Variants in NKAIN3 observed in about 807,000 individuals in gnomAD.
The protein encoded by NKAIN3 is sodium/potassium-transporting ATPase subunit beta-1-interacting protein 3.
Under a neutral mutation model 30.2 loss-of-function variants are expected in NKAIN3, and 25 were observed. That is an observed-to-expected ratio of 0.83 (90% CI 0.60 to 1.16). The LOEUF (loss-of-function observed/expected upper bound fraction) is 1.16, where lower values mean the gene tolerates loss of function less well. Among genes scored for constraint, NKAIN3 ranks in the 50% most tolerant of loss-of-function variants. NKAIN3 has a pLI of 0.00. For missense variants in NKAIN3, 225 were observed against 254.1 expected (o/e 0.89, Z 0.78); for synonymous variants, 91 against 89.6 (o/e 1.02, Z -0.09).
intron 1 of NKAIN3, among the ~76,000 whole-genome samples, chr8:62,391,582 T>G (rs901811633): frequency 4.6e-5 from 7 of 152,006 alleles, no homozygotes; most frequent in African/African-American, 9.6e-5. Context: ...AGAAATGGAA[T>G]AAAATAGGAA....
At chr8:62,910,320 C>CT (rs1476196664) in intron 4 of NKAIN3, among the ~76,000 whole-genome samples, 3 of 152,240 alleles carry the variant, frequency 2.0e-5, no homozygotes, top group Middle Eastern at 3.4e-3. Flanking sequence ...AGCTTACTCT[C>CT]TTTTGCCTTC....
chr8:62,306,577 T>TGTGTTG lies in NKAIN3; in HGVS notation c.54+57450_54+57451insGTGTTG, dbSNP rs369616688. Among the ~76,000 whole-genome samples, 171 of 123,748 alleles carry TGTGTTG rather than the reference T, an allele frequency of 1.4e-3. 3 individuals carry two copies. Among genetic ancestry groups the TGTGTTG allele is most frequent in the African/African-American group, 5.4e-3 (167 of 30,922 alleles). 81.2% of individuals were successfully genotyped at this position (123,748 alleles called of 152,430 possible). The stretch of plus-strand genomic sequence containing the variant: ...GTGTGTGTGTGTGTGTGTGTGTGTG[T>TGTGTTG]TGTGTGTGTGTTTAGTTTATGTGTG... On this transcript the variant is annotated intron_variant, in intron 1 of 6. Transcript: ENST00000623646.
chr8:62,506,476 C>CTTTCTTTCTTTCTTTCTTTT (rs71559373), intron 1 of NKAIN3, among the ~76,000 whole-genome samples: 1 of 98,438 alleles, frequency 1.0e-5, no homozygotes, highest in Non-Finnish European at 1.9e-5. Context: ...TTCTTTCTTT[C>CTTTCTTTCTTTCTTTCTTTT]TTTTTTTTTT....
At chr8:62,940,528 G>A (rs1212232503) in intron 5 of NKAIN3, among the ~76,000 whole-genome samples, 1 of 151,942 alleles carries the variant, frequency 6.6e-6, no homozygotes, top group Non-Finnish European at 1.5e-5. Flanking sequence ...CACAAAACCA[G>A]TCTCAACAAA....
Position 62,791,007 on chromosome 8 carries a change from G to A in NKAIN3, c.471+43878G>A, listed in dbSNP as rs955768801. ...ATTGTATTATTGTGAGGACTAAATAGGTCTTTTCTCATGGCAGTCTCATGA... is the reference window on the plus strand; with the variant it reads ...ATTGTATTATTGTGAGGACTAAATAAGTCTTTTCTCATGGCAGTCTCATGA... On this transcript the variant is annotated intron_variant, in intron 4 of 6. Transcript: ENST00000623646. Among the ~76,000 whole-genome samples the A allele has an allele frequency of 3.3e-5, 5 of 152,122 alleles. No individual in the cohort carries two copies. The East Asian group carries it at 9.7e-4, about 29-fold the overall frequency.
intron 4 of NKAIN3, among the ~76,000 whole-genome samples, chr8:62,884,570 T>A (rs1821088266): frequency 6.6e-6 from 1 of 152,222 alleles, no homozygotes. Context: ...AGAATTTATA[T>A]CATTTCTTCC....
rs1823003846 is a variant in NKAIN3, at chr8:62,942,752, A to G, written c.533-11150A>G. On this transcript the variant is annotated intron_variant, in intron 5 of 6. Coordinates refer to ENST00000623646, the MANE Select transcript of NKAIN3 (RefSeq NM_001304533.3). ...AATACTTACAGCCAACTGATCTTCG[A>G]CAAAGCAAACAAAAACATTAAGTGG... Among the ~76,000 whole-genome samples, 4 of 152,174 alleles carry G rather than the reference A, an allele frequency of 2.6e-5. No homozygotes were observed. In the South Asian group the frequency reaches 8.3e-4, roughly 32 times the overall value.
intron 4 of NKAIN3, among the ~76,000 whole-genome samples, chr8:62,795,517 T>A (rs1023604397): frequency 2.0e-5 from 3 of 152,100 alleles, no homozygotes; most frequent in Non-Finnish European, 4.4e-5. Context: ...TAAGTTTAGA[T>A]CCCAGCTCCA....
chr8:62,409,089 A>G (rs34303693), intron 1 of NKAIN3, among the ~76,000 whole-genome samples: 3,734 of 152,324 alleles, frequency 0.025, 80 homozygotes, highest in Middle Eastern at 0.058. Context: ...ATGCGCTTAT[A>G]TAATTTCTTA....
At chr8:62,601,367 A>G (rs1476310365) in intron 3 of NKAIN3, among the ~76,000 whole-genome samples, 2 of 152,048 alleles carry the variant, frequency 1.3e-5, no homozygotes, top group African/African-American at 4.8e-5. Flanking sequence ...CAGAAATAGT[A>G]TATCTGGCAA....
intron 3 of NKAIN3, among the ~76,000 whole-genome samples, chr8:62,743,076 A>G (rs1428686096): frequency 6.6e-6 from 1 of 152,180 alleles, no homozygotes; most frequent in Non-Finnish European, 1.5e-5. Context: ...ACCACATGTG[A>G]GATTATGGGA....
chr8:62,289,074 CT>C (rs1257012589), intron 1 of NKAIN3, among the ~76,000 whole-genome samples: 1 of 152,126 alleles, frequency 6.6e-6, no homozygotes, highest in Admixed American at 6.5e-5. Flanking sequence ...CCTTTGCCCA[CT>C]TTTTGATGGG....
Position 62,886,250 on chromosome 8 carries a change from G to C in NKAIN3, c.472-32203G>C, listed in dbSNP as rs1208264697. Among the ~76,000 whole-genome samples, 9 of 151,614 alleles carry C rather than the reference G, an allele frequency of 5.9e-5. No individual in the cohort carries two copies. In the East Asian group the frequency reaches 1.5e-3, roughly 26 times the overall value. On this transcript the variant is annotated intron_variant, in intron 4 of 6. Transcript: ENST00000623646. The stretch of plus-strand genomic sequence containing the variant: ...TCAAATAACACTATACCAGTTCCCA[G>C]GTAGAGTGAGTGCCTCATAATAGTA...
At chr8:62,953,511 T>C (rs954918989) in intron 5 of NKAIN3, among the ~76,000 whole-genome samples, 4 of 152,014 alleles carry the variant, frequency 2.6e-5, no homozygotes, top group African/African-American at 7.2e-5. Context: ...TTTCTAATGA[T>C]GCAATACATA....
At chr8:62,805,456 A>G (rs1020932535) in intron 4 of NKAIN3, among the ~76,000 whole-genome samples, 1 of 152,194 alleles carries the variant, frequency 6.6e-6, no homozygotes, top group Non-Finnish European at 1.5e-5. Flanking sequence ...AAACAGAGAT[A>G]TAGATCAATG....
rs1823823814 is a variant in NKAIN3 at position 62,971,083 on chromosome 8, A to ATCC, written c.*5679_*5681dup. Among the ~76,000 whole-genome samples, 1 of 152,002 alleles carries ATCC rather than the reference A, an allele frequency of 6.6e-6. No individual in the cohort carries two copies. The highest frequency in any genetic ancestry group is 2.1e-4 in the South Asian group (1 of 4,822). On this transcript the variant is annotated 3_prime_UTR_variant, in exon 7 of 7. Transcript: ENST00000623646. ...GGACCGAGACTCCTCTCATTGCTTC[A>ATCC]TCCTCTGTGGCCGCCATTTTTAAGA...
At chr8:62,924,325 C>A (rs527717655) in intron 5 of NKAIN3, among the ~76,000 whole-genome samples, 2 of 152,302 alleles carry the variant, frequency 1.3e-5, no homozygotes, top group African/African-American at 2.4e-5. Flanking sequence ...TTGTGAGATG[C>A]TTTCACTGCA....
In NKAIN3 at chr8:62,786,821, T is replaced by C. The variant is rs142075341; in HGVS notation, c.471+39692T>C. Among the ~76,000 whole-genome samples, 91 of 152,302 alleles carry C rather than the reference T, an allele frequency of 6.0e-4. No individual in the cohort carries two copies. In the Middle Eastern group the frequency reaches 0.017, roughly 28 times the overall value. Reference sequence around the variant, plus strand: ...CTGATGATTTGGTTACTTCTTAATATGTTAGAGTCTGGACTGTGCTTGGCA... The same window carrying C: ...CTGATGATTTGGTTACTTCTTAATACGTTAGAGTCTGGACTGTGCTTGGCA... On this transcript the variant is annotated intron_variant, in intron 4 of 6. Transcript: ENST00000623646.
chr8:62,476,194 A>T (rs1046454591), intron 1 of NKAIN3, among the ~76,000 whole-genome samples: 1 of 150,754 alleles, frequency 6.6e-6, no homozygotes, highest in Non-Finnish European at 1.5e-5. Context: ...TTTTATGACC[A>T]TGGCATATAT....
Sources: gnomAD v4.1 joint callset for allele counts (sites outside exome capture counted in the v4.1 genomes callset) on GRCh38, gnomAD v4.1.1 for gene constraint, MANE v1.5 for transcripts, NCBI Gene and HGNC (gene_info 2026-07-23, HGNC 2026-07-21) for gene names.